The following NDRG3 variants were observed in gnomAD, a reference collection of about 807,000 sequenced individuals.
The protein encoded by NDRG3 is protein NDRG3.
In NDRG3, 23 loss-of-function variants were observed where a neutral mutation model predicts 57.2. That is an observed-to-expected ratio of 0.40 (90% confidence interval 0.29 to 0.57). NDRG3 has a LOEUF of 0.57. Among genes scored for constraint, NDRG3 ranks in the 20% least tolerant of loss-of-function variants. The pLI, the probability that NDRG3 is intolerant of heterozygous loss-of-function variation, is 0.42. For synonymous variants in NDRG3, 132 were observed against 162.6 expected (o/e 0.81, Z 1.43); for missense variants, 384 against 457.3 (o/e 0.84, Z 1.46).
chr20:36,738,906 C>T (rs1985756624), intron 1 of NDRG3, among the ~76,000 whole-genome samples: 1 of 141,504 alleles, frequency 7.1e-6, no homozygotes, highest in Non-Finnish European at 1.5e-5. Context: ...GGTGGATCAC[C>T]TGAGGTCAGG....
In NDRG3 at chr20:36,671,457, C is replaced by A. The variant is rs1016962107; in HGVS notation, c.532-60G>T. ...GCATATGCAAAAATTTATCAAGCTG[C>A]CCAATTAAAATGAGTGCACTTTATT... On this transcript the variant is annotated intron_variant, in intron 8 of 15. Coordinates refer to ENST00000349004, the MANE Select transcript of NDRG3 (RefSeq NM_032013.4). 6 of 1,334,528 alleles carry A rather than the reference C, an allele frequency of 4.5e-6. No homozygotes were observed. In the South Asian group the frequency reaches 4.8e-5, roughly 11 times the overall value. 82.7% of individuals were successfully genotyped at this position (1,334,528 alleles called of 1,614,324 possible).
chr20:36,667,303 G>A (rs1463678898), intron 9 of NDRG3, among the ~76,000 whole-genome samples: 3 of 151,616 alleles, frequency 2.0e-5, no homozygotes, highest in East Asian at 1.9e-4. Context: ...GACTCACTAC[G>A]CTGCTCAGGC....
At position 36,665,022 on chromosome 20, in the gene NDRG3, T is replaced by A. The variant is rs772265497; in HGVS notation, c.810+24A>T. On this transcript the variant is annotated intron_variant, in intron 12 of 15. Coordinates refer to ENST00000349004, the MANE Select transcript of NDRG3 (RefSeq NM_032013.4). ...TTATTACATTTTGATCTCATTCATC[T>A]TCACAGCATGAGGACATACTTACCA... 5 of 1,611,508 alleles carry A rather than the reference T, an allele frequency of 3.1e-6. No homozygotes were observed. The South Asian group carries it at 5.5e-5, about 18-fold the overall frequency.
chr20:36,703,191 T>A (rs2148162053), intron 3 of NDRG3, among the ~76,000 whole-genome samples: 1 of 152,294 alleles, frequency 6.6e-6, no homozygotes, highest in East Asian at 1.9e-4. Flanking sequence ...AATTACAGCA[T>A]CTGTCTCAAT....
At chr20:36,709,619 T>C (rs1426856015) in intron 2 of NDRG3, among the ~76,000 whole-genome samples, 1 of 152,256 alleles carries the variant, frequency 6.6e-6, no homozygotes. Context: ...TGGCTCCTAC[T>C]AGCCCTAAGA....
intron 7 of NDRG3, among the ~76,000 whole-genome samples, chr20:36,681,327 A>T (rs1307222551): frequency 6.6e-6 from 1 of 152,034 alleles, no homozygotes; most frequent in Non-Finnish European, 1.5e-5. Flanking sequence ...CTGAGGACGT[A>T]TTAAAAAAAA....
intron 1 of NDRG3, among the ~76,000 whole-genome samples, chr20:36,736,437 AGCTGGAACTAGCAT>A (rs1985613921): frequency 6.6e-6 from 1 of 152,204 alleles, no homozygotes; most frequent in African/African-American, 2.4e-5. Context: ...CTAGGTGTGG[AGCTGGAACTAGCAT>A]GCGGATTCCT....
At chr20:36,729,805 G>A (rs1045668828) in intron 1 of NDRG3, among the ~76,000 whole-genome samples, 3 of 151,998 alleles carry the variant, frequency 2.0e-5, no homozygotes, top group African/African-American at 7.3e-5. Context: ...TAGAATTACA[G>A]GCATGAGCCA....
At position 36,690,478 on chromosome 20, in the gene NDRG3, C is replaced by G. The variant is rs202219953; in HGVS notation, c.94-1694G>C. Among the ~76,000 whole-genome samples, 72 of 131,690 alleles carry G rather than the reference C, an allele frequency of 5.5e-4. No individual in the cohort carries two copies. In the East Asian group the frequency reaches 0.013, roughly 24 times the overall value. The allele number at this position is 131,690 out of a possible 152,430, so 86.4% of individuals were successfully genotyped here. A position where few individuals can be genotyped will look rare whatever the true frequency, so the allele number is the denominator to read the frequency against. On this transcript the variant is annotated intron_variant, in intron 3 of 15. Transcript: ENST00000349004. Reference sequence around the variant, plus strand: ...GACAAAAGATGCACCGAGCAAAGCTCAGGAACCCAATAGAGCAGACAAAAG... The same window carrying G: ...GACAAAAGATGCACCGAGCAAAGCTGAGGAACCCAATAGAGCAGACAAAAG...
chr20:36,697,711 A>G (rs1982914233), intron 3 of NDRG3, among the ~76,000 whole-genome samples: 1 of 150,930 alleles, frequency 6.6e-6, no homozygotes, highest in African/African-American at 2.4e-5. Context: ...TCTGTCTCAA[A>G]AAAAAAAAAA....
intron 2 of NDRG3, among the ~76,000 whole-genome samples, chr20:36,718,397 A>AG (rs1984396963): frequency 6.6e-6 from 1 of 152,226 alleles, no homozygotes. Context: ...GGAAGTGGGT[A>AG]GGAACAGCAT....
In NDRG3 at chr20:36,676,587, C is replaced by T. The variant is rs568605250; in HGVS notation, c.531+4229G>A. On this transcript the variant is annotated intron_variant, in intron 8 of 15. Transcript: ENST00000349004. Reference sequence around the variant, plus strand: ...AAGCAATTCTCCTGCCTCAGCCTCCCGAGTAGCTGGGATTACAGGCATACA... The same window carrying T: ...AAGCAATTCTCCTGCCTCAGCCTCCTGAGTAGCTGGGATTACAGGCATACA... Among the ~76,000 whole-genome samples the T allele has an allele frequency of 1.1e-3, 175 of 152,274 alleles. 1 individual carries two copies. The South Asian group carries it at 0.028, about 24-fold the overall frequency.
intron 10 of NDRG3, 62 bp from the exon 11 acceptor site, chr20:36,665,363 T>A (rs1979536815): frequency 4.0e-6 from 6 of 1,497,424 alleles, no homozygotes; most frequent in Non-Finnish European, 5.6e-6. Context: ...TCAGGTTATT[T>A]TCTGGTCATA....
At chr20:36,727,582 G>A (rs1318302459) in intron 1 of NDRG3, among the ~76,000 whole-genome samples, 1 of 136,592 alleles carries the variant, frequency 7.3e-6, no homozygotes, top group African/African-American at 2.8e-5. Flanking sequence ...TCGCTCTGTC[G>A]CCCAGGCTGG....
chr20:36,692,518 C>T (rs1016040732), intron 3 of NDRG3, among the ~76,000 whole-genome samples: 5 of 152,096 alleles, frequency 3.3e-5, no homozygotes, highest in African/African-American at 9.7e-5. Flanking sequence ...GCCACCGTGC[C>T]CCACAAGAAT....
intron 1 of NDRG3, among the ~76,000 whole-genome samples, chr20:36,723,793 G>A (rs1259971925): frequency 6.7e-6 from 1 of 150,120 alleles, no homozygotes. Context: ...TGGAACCTCC[G>A]CCTCCTGGGC....
At chr20:36,687,700 T>C (rs1981910784) in intron 4 of NDRG3, 88 bp from the exon 5 acceptor site, 2 of 1,439,116 alleles carry the variant, frequency 1.4e-6, no homozygotes, top group Non-Finnish European at 9.4e-7. Context: ...ATCACCTTCT[T>C]TCCCTGCTTT....
At chr20:36,741,151 C>A (rs1217599475) in intron 1 of NDRG3, among the ~76,000 whole-genome samples, 1 of 152,202 alleles carries the variant, frequency 6.6e-6, no homozygotes, top group African/African-American at 2.4e-5. Flanking sequence ...TCCCATTTGG[C>A]CTTTTTTTCT....
intron 3 of NDRG3, among the ~76,000 whole-genome samples, chr20:36,694,683 C>T (rs1013821788): frequency 2.6e-5 from 4 of 152,154 alleles, no homozygotes; most frequent in Non-Finnish European, 5.9e-5. Context: ...TCATATACAA[C>T]ATCTCTACAC....
Sources: gnomAD v4.1 joint callset for allele counts (sites outside exome capture counted in the v4.1 genomes callset) on GRCh38, gnomAD v4.1.1 for gene constraint, MANE v1.5 for transcripts, NCBI Gene and HGNC (gene_info 2026-07-23, HGNC 2026-07-21) for gene names.